Variants in SDCCAG8 observed in about 807,000 individuals in gnomAD.
SDCCAG8 encodes SHH signaling and ciliogenesis regulator SDCCAG8.
Under a neutral mutation model 101.8 loss-of-function variants are expected in SDCCAG8, and 74 were observed. The observed-to-expected ratio is 0.73, with a 90% confidence interval of 0.60 to 0.88. SDCCAG8 has a LOEUF of 0.88. SDCCAG8 is among the 40% of genes least tolerant of loss of function. SDCCAG8 has a pLI of 0.00. For missense variants in SDCCAG8, 787 were observed against 822.6 expected, an observed-to-expected ratio of 0.96 and a Z score of 0.53; for synonymous variants, 281 against 292.9, an observed-to-expected ratio of 0.96 and a Z score of 0.41.
At chr1:243,312,899 G>A (rs547629706) in intron 8 of SDCCAG8, among the ~76,000 whole-genome samples, 4 of 152,064 alleles carry the variant, frequency 2.6e-5, no homozygotes, top group African/African-American at 7.2e-5. Context: ...TATTGTTTCC[G>A]ACCTTTCGCC....
chr1:243,345,431 A>G (rs1255333570), intron 12 of SDCCAG8, among the ~76,000 whole-genome samples: 2 of 152,186 alleles, frequency 1.3e-5, no homozygotes, highest in Non-Finnish European at 2.9e-5. Context: ...AATTATTAAC[A>G]TGTACAAATA....
At chr1:243,344,523 A>G (rs891053032) in intron 12 of SDCCAG8, among the ~76,000 whole-genome samples, 192 bp downstream of exon 12, 2 of 152,218 alleles carry the variant, frequency 1.3e-5, no homozygotes, top group Non-Finnish European at 2.9e-5. Flanking sequence ...TGGTGAGAAT[A>G]CAACAGCATG....
intron 9 of SDCCAG8, among the ~76,000 whole-genome samples, chr1:243,321,205 T>C (rs148042841): frequency 6.1e-4 from 93 of 152,306 alleles, no homozygotes; most frequent in African/African-American, 2.2e-3. Flanking sequence ...ACTACTTATA[T>C]AGCATTTATC....
rs190942707 is a variant in SDCCAG8, at chr1:243,362,290, G to C, written c.1474-16431G>C. On this transcript the variant is annotated intron_variant, in intron 12 of 17. Transcript: ENST00000366541. ...AACTGGATGGATAGGTGGGTGAAGA[G>C]ACGGCCAAGTGACTGCCTCAAGTAA... 1.3e-4 allele frequency among the ~76,000 whole-genome samples: 20 copies of C among 151,758 alleles called. No homozygotes were observed. The East Asian group carries it at 2.5e-3, about 19-fold the overall frequency.
At chr1:243,342,807 G>T (rs2075455951) in intron 11 of SDCCAG8, among the ~76,000 whole-genome samples, 1 of 152,066 alleles carries the variant, frequency 6.6e-6, no homozygotes, top group African/African-American at 2.4e-5. Flanking sequence ...GAAGGCATTT[G>T]AACTTCCAAT....
At chr1:243,358,676 T>C (rs2076527826) in intron 12 of SDCCAG8, among the ~76,000 whole-genome samples, 2 of 152,198 alleles carry the variant, frequency 1.3e-5, no homozygotes, top group Non-Finnish European at 1.5e-5. Context: ...GCATTATTCA[T>C]AGTAGCCCCA....
intron 13 of SDCCAG8, among the ~76,000 whole-genome samples, chr1:243,400,478 G>A (rs2079310420): frequency 6.6e-6 from 1 of 152,122 alleles, no homozygotes; most frequent in Non-Finnish European, 1.5e-5. Context: ...ACAGTTCATG[G>A]AAAGAGTAGA....
chr1:243,433,242 A>C (rs1266785368), intron 16 of SDCCAG8, among the ~76,000 whole-genome samples: 1 of 151,892 alleles, frequency 6.6e-6, no homozygotes, highest in African/African-American at 2.4e-5. Flanking sequence ...AAAGATGTAA[A>C]AGATATACTC....
chr1:243,266,236 A>G (rs772436174), intron 1 of SDCCAG8, among the ~76,000 whole-genome samples: 30 of 152,210 alleles, frequency 2.0e-4, no homozygotes, highest in Non-Finnish European at 2.6e-4. Context: ...ACACTGTACA[A>G]TAGAACTCAA....
chr1:243,477,023 C>T (rs1241506809), intron 16 of SDCCAG8, among the ~76,000 whole-genome samples: 2 of 146,556 alleles, frequency 1.4e-5, no homozygotes, highest in Non-Finnish European at 3.0e-5. Flanking sequence ...CACACACACA[C>T]ACACACACAC....
intron 16 of SDCCAG8, 72 bp from the exon 17 acceptor site, chr1:243,488,942 T>A (rs1419660882): frequency 6.2e-7 from 1 of 1,610,240 alleles, no homozygotes; most frequent in African/African-American, 1.3e-5. Context: ...TTCCCTCAGA[T>A]ACACACAGCC....
chr1:243,256,799 A>T (rs2066749304), intron 1 of SDCCAG8, among the ~76,000 whole-genome samples: 1 of 152,268 alleles, frequency 6.6e-6, no homozygotes, highest in Non-Finnish European at 1.5e-5. Flanking sequence ...GCCAGAGCCC[A>T]CACAGCTGGT....
intron 13 of SDCCAG8, among the ~76,000 whole-genome samples, chr1:243,396,968 G>C (rs1265664465): frequency 7.2e-5 from 11 of 152,096 alleles, no homozygotes; most frequent in Admixed American, 6.6e-4. Flanking sequence ...AGAAGCTTGC[G>C]GTAAACAAAG....
At chr1:243,464,109 C>T (rs977579075) in intron 16 of SDCCAG8, among the ~76,000 whole-genome samples, 4 of 152,188 alleles carry the variant, frequency 2.6e-5, no homozygotes. Context: ...TCACAATTAA[C>T]ATGGCCCTGT....
At chr1:243,296,957 G>A (rs181269721) in intron 6 of SDCCAG8, among the ~76,000 whole-genome samples, 1 of 152,046 alleles carries the variant, frequency 6.6e-6, no homozygotes, top group East Asian at 1.9e-4. Flanking sequence ...TATTTTCTAA[G>A]ACACAATTTA....
intron 17 of SDCCAG8, among the ~76,000 whole-genome samples, chr1:243,492,615 T>G (rs1420159680): frequency 1.4e-5 from 2 of 144,534 alleles, no homozygotes; most frequent in Non-Finnish European, 3.0e-5. Context: ...TTTTTTTTTT[T>G]TTTTTTTTTT....
intron 6 of SDCCAG8, among the ~76,000 whole-genome samples, chr1:243,294,501 A>AAGAGAGAGAGAGAGAGAGAG (rs2070627731): frequency 6.4e-4 from 17 of 26,680 alleles, no homozygotes; most frequent in South Asian, 1.4e-3. Flanking sequence ...GAGAGAGAGA[A>AAGAGAGAGAGAGAGAGAGAG]AGAGCGAGAG....
At chr1:243,284,032 C>A (rs747800759) in intron 4 of SDCCAG8, among the ~76,000 whole-genome samples, 1 of 152,222 alleles carries the variant, frequency 6.6e-6, no homozygotes, top group Non-Finnish European at 1.5e-5. Flanking sequence ...GTGTGAGCCA[C>A]CGTGCCTGGC....
intron 13 of SDCCAG8, among the ~76,000 whole-genome samples, chr1:243,402,005 G>A (rs1171491749): frequency 6.6e-6 from 1 of 152,212 alleles, no homozygotes; most frequent in Non-Finnish European, 1.5e-5. Context: ...GATTTAAAAT[G>A]CTGCTTTGCT....
Sources: gnomAD v4.1 joint callset for allele counts (sites outside exome capture counted in the v4.1 genomes callset) on GRCh38, gnomAD v4.1.1 for gene constraint, MANE v1.5 for transcripts, NCBI Gene and HGNC (gene_info 2026-07-23, HGNC 2026-07-21) for gene names.